DPYD: variants seen among roughly 807,000 people sequenced by gnomAD.
DPYD encodes the protein dihydropyrimidine dehydrogenase, also known as dihydropyrimidine dehydrogenase [NADP(+)].
A neutral mutation model predicts 116.2 loss-of-function variants in DPYD; 109 were observed. The ratio of observed to expected loss-of-function variants is 0.94; its 90% CI spans 0.80 to 1.10. The LOEUF (loss-of-function observed/expected upper bound fraction) is 1.10. DPYD is among the 50% of genes least tolerant of loss of function. The pLI is 0.00. For missense variants in DPYD, 1,302 were observed against 1,254.5 expected (o/e 1.04, Z -0.57); for synonymous variants, 440 against 432.0 (o/e 1.02, Z -0.23).
intron 18 of DPYD, among the ~76,000 whole-genome samples, chr1:97,297,609 C>A (rs1442767616): frequency 6.6e-6 from 1 of 152,148 alleles, no homozygotes; most frequent in African/African-American, 2.4e-5. Context: ...TCCTCCCTTC[C>A]ACTAATAAAA....
At chr1:97,277,482 C>T (rs957452160) in intron 18 of DPYD, among the ~76,000 whole-genome samples, 3 of 152,082 alleles carry the variant, frequency 2.0e-5, no homozygotes, top group Admixed American at 2.0e-4. Context: ...ACTCTTTTGC[C>T]ATAAAGCTGT....
intron 16 of DPYD, among the ~76,000 whole-genome samples, chr1:97,342,735 G>A (rs1418745033): frequency 2.0e-5 from 3 of 152,108 alleles, no homozygotes; most frequent in African/African-American, 7.2e-5. Context: ...TTTGTGTTGG[G>A]AGTTGAAGTC....
intron 20 of DPYD, among the ~76,000 whole-genome samples, chr1:97,180,192 T>C (rs1198921086): frequency 2.6e-5 from 4 of 152,162 alleles, no homozygotes; most frequent in Non-Finnish European, 5.9e-5. Flanking sequence ...CCTGAAATCT[T>C]AGATGAGGAC....
intron 14 of DPYD, among the ~76,000 whole-genome samples, chr1:97,394,785 T>G (rs1019717371): frequency 6.6e-6 from 1 of 152,030 alleles, no homozygotes; most frequent in East Asian, 1.9e-4. Context: ...GGAGGTAGAG[T>G]ACTCCAGGTA....
intron 2 of DPYD, among the ~76,000 whole-genome samples, chr1:97,874,583 A>G (rs17379561): frequency 6.6e-6 from 1 of 151,858 alleles, no homozygotes; most frequent in South Asian, 2.1e-4. Context: ...TGATTCAGAC[A>G]CTCAGAGGAA....
At chr1:97,361,813 A>G (rs1380059818) in intron 16 of DPYD, among the ~76,000 whole-genome samples, 1 of 152,234 alleles carries the variant, frequency 6.6e-6, no homozygotes, top group African/African-American at 2.4e-5. Flanking sequence ...TCAAAATAAT[A>G]AGAGCTATTT....
At chr1:97,830,229 T>G (rs1273976348) in intron 2 of DPYD, among the ~76,000 whole-genome samples, 1 of 152,174 alleles carries the variant, frequency 6.6e-6, no homozygotes, top group Non-Finnish European at 1.5e-5. Context: ...CCTACTGCAA[T>G]TTTTAACTTT....
intron 1 of DPYD, among the ~76,000 whole-genome samples, chr1:97,911,028 T>C (rs757782230): frequency 3.5e-4 from 53 of 152,214 alleles, no homozygotes; most frequent in Admixed American, 5.9e-4. Context: ...TTCAAACAAA[T>C]ACAAATTAAA....
intron 16 of DPYD, among the ~76,000 whole-genome samples, chr1:97,361,498 CA>C (rs997530514): frequency 1.6e-4 from 24 of 152,014 alleles, no homozygotes; most frequent in Non-Finnish European, 3.2e-4. Context: ...AGAGACACAA[CA>C]AAAAAAGAGA....
intron 13 of DPYD, among the ~76,000 whole-genome samples, chr1:97,460,828 C>T (rs1420080906): frequency 2.0e-5 from 3 of 152,000 alleles, no homozygotes; most frequent in Non-Finnish European, 2.9e-5. Context: ...CACCCGAGGT[C>T]GGGAGTTCAA....
chr1:97,804,627 A>G (rs2101351449), intron 3 of DPYD, among the ~76,000 whole-genome samples: 1 of 152,032 alleles, frequency 6.6e-6, no homozygotes, highest in African/African-American at 2.4e-5. Flanking sequence ...AGCATACTCA[A>G]TGATACAGAA....
At position 97,098,584 on chromosome 1, in the gene DPYD, C is replaced by T; in HGVS notation, c.2671G>A (p.Ala891Thr). The T allele has an allele frequency of 6.2e-7, 1 of 1,613,050 alleles. No individual in the cohort carries two copies. Among genetic ancestry groups the T allele is most frequent in the Non-Finnish European group, 8.5e-7 (1 of 1,179,458 alleles). The change falls in exon 21 of 23, where the codon GCA becomes ACA. Residue 891 changes from alanine to threonine, a missense_variant. Physicochemically the swap from Ala to Thr is moderately conservative, Grantham distance 58. Transcript: ENST00000370192. ...TCTTTCAGTCTAATCTTGTTTTCTGCTATGATTTTCTTGCGCTGTTCCAGA... is the reference window on the plus strand; with the variant it reads ...TCTTTCAGTCTAATCTTGTTTTCTGTTATGATTTTCTTGCGCTGTTCCAGA... ...PYLEQRKKIIAENKIRLKEQN... is the reference protein window; with the variant it reads ...PYLEQRKKIITENKIRLKEQN...
intron 18 of DPYD, among the ~76,000 whole-genome samples, chr1:97,274,924 GATGCATAAGATGC>G (rs1664840089): frequency 6.6e-6 from 1 of 152,144 alleles, no homozygotes; most frequent in South Asian, 2.1e-4. Context: ...AGATGCACAG[GATGCATAAGATGC>G]ATGGAATCAG....
chr1:97,521,957 T>A (rs931456999), intron 12 of DPYD, among the ~76,000 whole-genome samples: 4 of 152,092 alleles, frequency 2.6e-5, no homozygotes, highest in African/African-American at 9.7e-5. Context: ...ATAAAAACCC[T>A]AGAAGAAAAC....
intron 16 of DPYD, among the ~76,000 whole-genome samples, chr1:97,347,450 C>T (rs558365736): frequency 2.4e-4 from 36 of 152,040 alleles, no homozygotes; most frequent in Admixed American, 2.4e-3. Context: ...TTCGGTTAAG[C>T]CAACCTGGAT....
intron 16 of DPYD, among the ~76,000 whole-genome samples, chr1:97,343,089 A>C (rs1450758763): frequency 2.6e-5 from 4 of 152,148 alleles, no homozygotes; most frequent in African/African-American, 9.6e-5. Flanking sequence ...ATGTTATAAA[A>C]GTCTTTTGAG....
chr1:97,881,671 A>G (rs996128364), intron 2 of DPYD, among the ~76,000 whole-genome samples: 1 of 152,060 alleles, frequency 6.6e-6, no homozygotes, highest in Non-Finnish European at 1.5e-5. Flanking sequence ...ATCAAAATAA[A>G]GAAAGTCTCC....
At chr1:97,253,711 T>A (rs552402019) in intron 18 of DPYD, among the ~76,000 whole-genome samples, 1 of 152,162 alleles carries the variant, frequency 6.6e-6, no homozygotes, top group African/African-American at 2.4e-5. Flanking sequence ...CAGGGTAAAT[T>A]GGATGAGAAG....
chr1:97,718,529 G>A (rs1662744515), intron 5 of DPYD, among the ~76,000 whole-genome samples: 1 of 151,778 alleles, frequency 6.6e-6, no homozygotes, highest in African/African-American at 2.4e-5. Context: ...TGAAAATTCA[G>A]AATTGAGGTG....
Sources: gnomAD v4.1 joint callset for allele counts (sites outside exome capture counted in the v4.1 genomes callset) on GRCh38, gnomAD v4.1.1 for gene constraint, MANE v1.5 for transcripts, NCBI Gene and HGNC (gene_info 2026-07-23, HGNC 2026-07-21) for gene names.